The following ST8SIA5 variants were observed in gnomAD, a reference collection of about 807,000 sequenced individuals.
The protein encoded by ST8SIA5 is ST8 alpha-N-acetyl-neuraminide alpha-2,8-sialyltransferase 5, also known as alpha-2,8-sialyltransferase 8E.
In ST8SIA5, 24 loss-of-function variants were observed where a neutral mutation model predicts 40.2. The ratio of observed to expected loss-of-function variants is 0.60; its 90% confidence interval spans 0.43 to 0.84. The LOEUF (loss-of-function observed/expected upper bound fraction) is 0.84. Among genes scored for constraint, ST8SIA5 ranks in the 40% least tolerant of loss-of-function variants. ST8SIA5 has a pLI of 0.00. For missense variants in ST8SIA5, 465 were observed against 498.5 expected (o/e 0.93, Z 0.64); for synonymous variants, 198 against 201.8 (o/e 0.98, Z 0.16).
At chr18:46,753,961 A>C (rs555869375) in intron 1 of ST8SIA5, among the ~76,000 whole-genome samples, 6 of 152,216 alleles carry the variant, frequency 3.9e-5, no homozygotes, top group Non-Finnish European at 8.8e-5. Flanking sequence ...TCTGCATTTC[A>C]ATGGTCCTCC....
chr18:46,724,989 G>GAGGAAGGAAGGAAGGA lies in ST8SIA5; in HGVS notation c.132-20341_132-20326dup, dbSNP rs60444300. Among the ~76,000 whole-genome samples, 261 of 99,722 alleles carry GAGGAAGGAAGGAAGGA rather than the reference G, an allele frequency of 2.6e-3. 3 individuals are homozygous for GAGGAAGGAAGGAAGGA. The highest frequency in any genetic ancestry group is 5.3e-3 in the Admixed American group (44 of 8,342). 65.4% of individuals were successfully genotyped at this position (99,722 alleles called of 152,430 possible). On this transcript the variant is annotated intron_variant, in intron 1 of 6. Coordinates refer to ENST00000315087, the MANE Select transcript of ST8SIA5 (RefSeq NM_013305.6). ...GACGAAAGAAAGGAAGAAAGAGAGA[G>GAGGAAGGAAGGAAGGA]AGGAAGGAAGGAAGGAAGGAAGGAA...
At chr18:46,739,199 G>A (rs1338521915) in intron 1 of ST8SIA5, among the ~76,000 whole-genome samples, 1 of 152,126 alleles carries the variant, frequency 6.6e-6, no homozygotes, top group Non-Finnish European at 1.5e-5. Flanking sequence ...GCGGGTCGGA[G>A]GCAGCGTGGG....
At chr18:46,746,810 C>T (rs943937584) in intron 1 of ST8SIA5, among the ~76,000 whole-genome samples, 3 of 151,228 alleles carry the variant, frequency 2.0e-5, no homozygotes, top group South Asian at 2.1e-4. Flanking sequence ...CGCTACCTGA[C>T]TTCAAACTAT....
intron 1 of ST8SIA5, among the ~76,000 whole-genome samples, chr18:46,737,980 A>G (rs4619490): frequency 0.073 from 11,118 of 152,054 alleles, 747 homozygotes; most frequent in East Asian, 0.31. Context: ...CACGTTGGCC[A>G]GGCTGGTCTC....
chr18:46,710,750 TC>T (rs1269705594), intron 1 of ST8SIA5, among the ~76,000 whole-genome samples: 3 of 152,074 alleles, frequency 2.0e-5, no homozygotes, highest in South Asian at 4.2e-4. Context: ...CCACAGAGGC[TC>T]CCCTGTTGGC....
rs559048586 is a variant in ST8SIA5, at chr18:46,715,326, C to G, written c.132-10662G>C. Among the ~76,000 whole-genome samples, 158 of 152,302 alleles carry G rather than the reference C, an allele frequency of 1.0e-3. 1 individual carries two copies. The highest frequency in any genetic ancestry group is 6.8e-3 in the Middle Eastern group (2 of 294). ...CGGGACTGCAGGGGTCGCACTGCCC[C>G]CAAGGGCTCCTCTTTGAAATGTATA... On this transcript the variant is annotated intron_variant, in intron 1 of 6. Transcript: ENST00000315087.
chr18:46,732,432 T>C (rs2039993909), intron 1 of ST8SIA5, among the ~76,000 whole-genome samples: 1 of 152,186 alleles, frequency 6.6e-6, no homozygotes, highest in South Asian at 2.1e-4. Flanking sequence ...TCTTCCCATA[T>C]TGGGGTGCTG....
At position 46,709,382 on chromosome 18, in the gene ST8SIA5, C is replaced by G. The variant is rs755613073; in HGVS notation, c.132-4718G>C. Among the ~76,000 whole-genome samples, 12 of 152,296 alleles carry G rather than the reference C, an allele frequency of 7.9e-5. No individual in the cohort carries two copies. The South Asian group carries it at 1.0e-3, about 13-fold the overall frequency. On this transcript the variant is annotated intron_variant, in intron 1 of 6. Transcript: ENST00000315087. ...CACCTTGATCTTGGACTTCCCAGCC[C>G]CCAGCACTGTGAGAAATTAATTTCT...
At position 46,670,023 on chromosome 18, in the gene ST8SIA5, C is replaced by T. The variant is rs536798860; in HGVS notation, c.*10019G>A. Reference sequence around the variant, plus strand: ...GGCGGAGGTTGCCGTGAGCCGAGATCATGCCACTGCACTCCAGCCTGGGTG... The same window carrying T: ...GGCGGAGGTTGCCGTGAGCCGAGATTATGCCACTGCACTCCAGCCTGGGTG... On this transcript the variant is annotated 3_prime_UTR_variant, in exon 7 of 7. Transcript: ENST00000315087. 5.9e-5 allele frequency: 9 copies of T among 151,376 alleles called. No individual in the cohort carries two copies. The highest frequency in any genetic ancestry group is 1.7e-4 in the African/African-American group (7 of 41,172). The allele number at this position is 151,376 out of a possible 1,614,324, so 9.4% of individuals were successfully genotyped here. A position where few individuals can be genotyped will look rare whatever the true frequency, so the allele number is the denominator to read the frequency against.
At chr18:46,748,777 C>G (rs1363329199) in intron 1 of ST8SIA5, among the ~76,000 whole-genome samples, 1 of 151,590 alleles carries the variant, frequency 6.6e-6, no homozygotes, top group Non-Finnish European at 1.5e-5. Context: ...CAAATTGGAA[C>G]CCTCATACAA....
rs1296356923 is a variant in ST8SIA5, at chr18:46,670,386, AC to A, written c.*9655del. On this transcript the variant is annotated 3_prime_UTR_variant, in exon 7 of 7. Transcript: ENST00000315087. ...ATAACATATTCTCCCTCTCTTCCCCACTAAACGACCAACGACCTCAGGCTAC... is the reference window on the plus strand; with the variant it reads ...ATAACATATTCTCCCTCTCTTCCCCATAAACGACCAACGACCTCAGGCTAC... The A allele has an allele frequency of 6.6e-6, 1 of 152,210 alleles. No individual in the cohort carries two copies. The highest frequency in any genetic ancestry group is 2.4e-5 in the African/African-American group (1 of 41,526). The allele number at this position is 152,210 out of a possible 1,614,324, so 9.4% of individuals were successfully genotyped here. A position where few individuals can be genotyped will look rare whatever the true frequency, so the allele number is the denominator to read the frequency against.
chr18:46,720,971 G>A (rs1214873943), intron 1 of ST8SIA5, among the ~76,000 whole-genome samples: 1 of 151,946 alleles, frequency 6.6e-6, no homozygotes. Flanking sequence ...GAGAAGCAGG[G>A]AACACCCACC....
chr18:46,732,548 C>A (rs996195488), intron 1 of ST8SIA5, among the ~76,000 whole-genome samples: 2 of 152,172 alleles, frequency 1.3e-5, no homozygotes, highest in African/African-American at 4.8e-5. Context: ...CTGCCTGTCA[C>A]CACCCCCTCC....
chr18:46,733,152 C>T (rs577423862), intron 1 of ST8SIA5, among the ~76,000 whole-genome samples: 10 of 152,204 alleles, frequency 6.6e-5, no homozygotes, highest in East Asian at 5.8e-4. Context: ...GGGGGAAGAC[C>T]CCGAAGGCGG....
chr18:46,734,748 A>T (rs1302940419), intron 1 of ST8SIA5, among the ~76,000 whole-genome samples: 3 of 152,190 alleles, frequency 2.0e-5, no homozygotes, highest in African/African-American at 4.8e-5. Context: ...AATGAACAAG[A>T]GTTTGCACTA....
chr18:46,688,505 G>A (rs865952751), intron 4 of ST8SIA5, among the ~76,000 whole-genome samples: 2 of 152,210 alleles, frequency 1.3e-5, no homozygotes, highest in African/African-American at 4.8e-5. Context: ...TCCTCTGCAA[G>A]CAATGCAATA....
At chr18:46,710,395 C>CTGTCTT (rs1352212793) in intron 1 of ST8SIA5, among the ~76,000 whole-genome samples, 10 of 135,856 alleles carry the variant, frequency 7.4e-5, no homozygotes, top group African/African-American at 3.0e-4. Flanking sequence ...TTCTTTCTTT[C>CTGTCTT]TTTCTTTCTT....
chr18:46,707,726 A>G (rs1458567083), intron 1 of ST8SIA5, among the ~76,000 whole-genome samples: 1 of 152,224 alleles, frequency 6.6e-6, no homozygotes, highest in Non-Finnish European at 1.5e-5. Flanking sequence ...AGGTGGGGCC[A>G]CTGGGAGGTA....
chr18:46,733,920 C>T (rs1260324045), intron 1 of ST8SIA5, among the ~76,000 whole-genome samples: 1 of 152,116 alleles, frequency 6.6e-6, no homozygotes, highest in African/African-American at 2.4e-5. Flanking sequence ...AATTTCATCT[C>T]TGGAGGAGCC....
Sources: allele counts gnomAD v4.1 joint callset (sites outside exome capture counted in the v4.1 genomes callset), GRCh38; gene constraint gnomAD v4.1.1; transcripts MANE v1.5; gene names NCBI Gene and HGNC (gene_info 2026-07-23, HGNC 2026-07-21).